KCNQ3: variants seen among roughly 807,000 people sequenced by gnomAD.
KCNQ3 encodes the protein potassium voltage-gated channel subfamily Q member 3, also known as potassium voltage-gated channel subfamily KQT member 3.
Under a neutral mutation model 92.5 loss-of-function variants are expected in KCNQ3, and 30 were observed. The ratio of observed to expected loss-of-function variants is 0.32; its 90% CI spans 0.24 to 0.44. The LOEUF is 0.44. Among genes scored for constraint, KCNQ3 ranks in the 20% least tolerant of loss-of-function variants. The pLI, the probability that KCNQ3 is intolerant of heterozygous loss-of-function variation, is 1.00. For synonymous variants in KCNQ3, 450 were observed against 468.8 expected, an observed-to-expected ratio of 0.96 and a Z score of 0.52; for missense variants, 913 against 1,140.3, an observed-to-expected ratio of 0.80 and a Z score of 2.87.
chr8:132,255,879 T>A (rs184337700), intron 1 of KCNQ3, among the ~76,000 whole-genome samples: 50 of 152,304 alleles, frequency 3.3e-4, no homozygotes, highest in Non-Finnish European at 6.5e-4. Flanking sequence ...GGGGATCTAA[T>A]TTCTGAAGTT....
chr8:132,150,973 A>G (rs1167504076), intron 9 of KCNQ3, among the ~76,000 whole-genome samples: 1 of 43,750 alleles, frequency 2.3e-5, no homozygotes, highest in Non-Finnish European at 5.1e-5. Flanking sequence ...AAATAAAAAC[A>G]TTATTGTTGG....
At chr8:132,438,972 C>T (rs1821462010) in intron 1 of KCNQ3, among the ~76,000 whole-genome samples, 1 of 148,688 alleles carries the variant, frequency 6.7e-6, no homozygotes, top group Admixed American at 6.8e-5. Context: ...CAGTCTTCAG[C>T]CGCAGTGTGA....
intron 1 of KCNQ3, among the ~76,000 whole-genome samples, chr8:132,469,140 C>A (rs958009907): frequency 3.3e-5 from 5 of 152,204 alleles, no homozygotes; most frequent in African/African-American, 1.2e-4. Context: ...AGGGTGATCA[C>A]CTTGGGGAAG....
intron 12 of KCNQ3, among the ~76,000 whole-genome samples, chr8:132,136,967 C>T (rs1825120410): frequency 1.3e-5 from 2 of 148,916 alleles, no homozygotes; most frequent in East Asian, 2.0e-4. Flanking sequence ...CAGGTTCAAG[C>T]GATTCTTCCG....
chr8:132,170,354 G>T lies in KCNQ3; in HGVS notation c.1215C>A (p.Val405=). The change falls in exon 8 of 15, where the codon GTC becomes GTA. Residue 405 remains valine, a synonymous_variant. Coordinates refer to ENST00000388996, the MANE Select transcript of KCNQ3 (RefSeq NM_004519.4). The part of the protein sequence containing the change: ...LVATWRFYES[V]VSFPFFRKEQ... ...CTTGCCTGAAGAAAGGAAAAGAGAC[G>T]ACTGATTCATAAAATCTCCATGTCG... is the stretch of plus-strand genomic sequence containing the variant. The T allele has an allele frequency of 6.2e-7, 1 of 1,613,650 alleles. No individual in the cohort carries two copies. Among genetic ancestry groups the T allele is most frequent in the Non-Finnish European group, 8.5e-7 (1 of 1,179,732 alleles).
chr8:132,447,231 T>A (rs1257733528), intron 1 of KCNQ3: 2 of 1,535,552 alleles, frequency 1.3e-6, no homozygotes, highest in South Asian at 2.4e-5. Context: ...CTTCATAAGG[T>A]AATGAATGCA....
chr8:132,277,067 T>C (rs969872530), intron 1 of KCNQ3, among the ~76,000 whole-genome samples: 4 of 151,572 alleles, frequency 2.6e-5, no homozygotes, highest in African/African-American at 9.7e-5. Context: ...TAATAAACAA[T>C]AATTTTTAAA....
At chr8:132,164,807 G>A (rs913428567) in intron 8 of KCNQ3, among the ~76,000 whole-genome samples, 76 of 152,120 alleles carry the variant, frequency 5.0e-4, no homozygotes, top group Non-Finnish European at 7.8e-4. Context: ...TCTCCACGAT[G>A]AGTATTTCAT....
At chr8:132,403,477 A>G (rs963828954) in intron 1 of KCNQ3, among the ~76,000 whole-genome samples, 1 of 152,214 alleles carries the variant, frequency 6.6e-6, no homozygotes, top group Admixed American at 6.5e-5. Flanking sequence ...CTTTGGGTTC[A>G]TTAATTAGCA....
chr8:132,227,264 G>A (rs575409456), intron 1 of KCNQ3, among the ~76,000 whole-genome samples: 2 of 152,100 alleles, frequency 1.3e-5, no homozygotes, highest in East Asian at 3.9e-4. Flanking sequence ...GTTTCACCAT[G>A]TTGGCCAGGA....
At chr8:132,150,491 G>A (rs77934842) in intron 9 of KCNQ3, among the ~76,000 whole-genome samples, 7,652 of 152,234 alleles carry the variant, frequency 0.05, 310 homozygotes, top group Non-Finnish European at 0.074. Context: ...TATGGCTAAA[G>A]TTGGCTAATA....
At chr8:132,441,869 T>C (rs1821547357) in intron 1 of KCNQ3, among the ~76,000 whole-genome samples, 1 of 152,160 alleles carries the variant, frequency 6.6e-6, no homozygotes, top group Non-Finnish European at 1.5e-5. Flanking sequence ...ATGTGGTACA[T>C]ATACACCACG....
chr8:132,343,129 C>A (rs1011460254), intron 1 of KCNQ3, among the ~76,000 whole-genome samples: 1 of 152,234 alleles, frequency 6.6e-6, no homozygotes, highest in Non-Finnish European at 1.5e-5. Context: ...GACTGCTCAC[C>A]TCTTCATTCT....
At chr8:132,177,859 C>T (rs1230246308) in intron 4 of KCNQ3, among the ~76,000 whole-genome samples, 3 of 152,186 alleles carry the variant, frequency 2.0e-5, no homozygotes, top group African/African-American at 7.2e-5. Flanking sequence ...CCTCCCAGCT[C>T]TGGTAGCACA....
intron 1 of KCNQ3, among the ~76,000 whole-genome samples, chr8:132,228,688 GGAA>G (rs1199743871): frequency 2.0e-5 from 3 of 151,848 alleles, no homozygotes; most frequent in Non-Finnish European, 4.4e-5. Flanking sequence ...GAGGGTGCTG[GGAA>G]GAAGTTCTAT....
At chr8:132,187,086 G>T (rs908181787) in intron 1 of KCNQ3, 12 of 440,160 alleles carry the variant, frequency 2.7e-5, no homozygotes, top group African/African-American at 2.4e-4. Flanking sequence ...AGGTTCCCTG[G>T]GTGTCCAAAA....
intron 1 of KCNQ3, among the ~76,000 whole-genome samples, chr8:132,328,943 A>T (rs1441608761): frequency 6.6e-6 from 1 of 152,138 alleles, no homozygotes; most frequent in Non-Finnish European, 1.5e-5. Flanking sequence ...TGATAATGTA[A>T]ATCTGCTGTC....
intron 9 of KCNQ3, among the ~76,000 whole-genome samples, chr8:132,154,354 C>G (rs1045535220): frequency 2.0e-5 from 3 of 151,950 alleles, no homozygotes; most frequent in African/African-American, 7.3e-5. Flanking sequence ...TTTGTCTCTT[C>G]TTCAGGCCAT....
chr8:132,174,847 T>C (rs1257197917), intron 5 of KCNQ3, among the ~76,000 whole-genome samples: 1 of 152,254 alleles, frequency 6.6e-6, no homozygotes, highest in Non-Finnish European at 1.5e-5. Flanking sequence ...TCAGAGCAGT[T>C]GACAGTGTGG....
Sources: gnomAD v4.1 joint callset for allele counts (sites outside exome capture counted in the v4.1 genomes callset) on GRCh38, gnomAD v4.1.1 for gene constraint, MANE v1.5 for transcripts, NCBI Gene and HGNC (gene_info 2026-07-23, HGNC 2026-07-21) for gene names.